ATP8A2: variants seen among roughly 807,000 people sequenced by gnomAD.
The protein encoded by ATP8A2 is ATPase phospholipid transporting 8A2.
Under a neutral mutation model 165.6 loss-of-function variants are expected in ATP8A2, and 100 were observed. The ratio of observed to expected loss-of-function variants is 0.60; its 90% confidence interval spans 0.51 to 0.71. The LOEUF (loss-of-function observed/expected upper bound fraction) is 0.71. Among genes scored for constraint, ATP8A2 ranks in the 30% least tolerant of loss-of-function variants. ATP8A2 has a pLI of 0.00. For synonymous variants in ATP8A2, 543 were observed against 548.8 expected, an observed-to-expected ratio of 0.99 and a Z score of 0.15; for missense variants, 1,227 against 1,479.5, an observed-to-expected ratio of 0.83 and a Z score of 2.80.
chr13:25,916,260 T>C (rs1212660555), intron 33 of ATP8A2, among the ~76,000 whole-genome samples: 2 of 152,216 alleles, frequency 1.3e-5, no homozygotes, highest in Non-Finnish European at 2.9e-5. Context: ...GGCCAGGCCC[T>C]CTGCGCCACT....
chr13:25,649,052 T>C lies in ATP8A2; in HGVS notation c.2212-50121T>C, dbSNP rs769050079. The C allele has an allele frequency of 2.0e-5, 10 of 504,344 alleles. 1 individual carries two copies. Among genetic ancestry groups the C allele is most frequent in the South Asian group, 1.4e-4 (10 of 69,134 alleles). 31.2% of individuals were successfully genotyped at this position (504,344 alleles called of 1,614,324 possible). A position where few individuals can be genotyped will look rare whatever the true frequency, so the allele number is the denominator to read the frequency against. ...GAGCTTTGTCAGTTTCTTTTGGAGA[T>C]GTCATGATTTCTTCCTGAGTCCATG... On this transcript the variant is annotated intron_variant, in intron 24 of 36. Transcript: ENST00000381655.
chr13:25,405,552 T>C (rs1299643198), intron 1 of ATP8A2, among the ~76,000 whole-genome samples: 1 of 152,096 alleles, frequency 6.6e-6, no homozygotes, highest in Non-Finnish European at 1.5e-5. Flanking sequence ...CAGCGTGCTC[T>C]CTTGAGACCC....
At chr13:25,552,546 G>A (rs1395876191) in intron 11 of ATP8A2, among the ~76,000 whole-genome samples, 1 of 152,048 alleles carries the variant, frequency 6.6e-6, no homozygotes, top group African/African-American at 2.4e-5. Flanking sequence ...ATCATTACTA[G>A]TGTCCTTTGT....
Position 25,724,212 on chromosome 13 carries a change from G to A in ATP8A2, c.2384+24867G>A, listed in dbSNP as rs574710325. Among the ~76,000 whole-genome samples, 12 of 152,320 alleles carry A rather than the reference G, an allele frequency of 7.9e-5. No individual in the cohort carries two copies. In the South Asian group the frequency reaches 8.3e-4, roughly 11 times the overall value. Reference sequence around the variant, plus strand: ...TGTCATGCAGCAATAGAAAACTAATGCATTCATGTGGCATCTGGGAGGGCT... The same window carrying A: ...TGTCATGCAGCAATAGAAAACTAATACATTCATGTGGCATCTGGGAGGGCT... On this transcript the variant is annotated intron_variant, in intron 25 of 36. Coordinates refer to ENST00000381655, the MANE Select transcript of ATP8A2 (RefSeq NM_016529.6).
chr13:25,611,175 G>A lies in ATP8A2; in HGVS notation c.2211+21476G>A, dbSNP rs980472757. On this transcript the variant is annotated intron_variant, in intron 24 of 36. Coordinates refer to ENST00000381655, the MANE Select transcript of ATP8A2 (RefSeq NM_016529.6). Reference sequence around the variant, plus strand: ...CTGATTGCTCTGGCTAGGACTTCCAGTACTATGTTGAATAGAAGTGGTGAA... The same window carrying A: ...CTGATTGCTCTGGCTAGGACTTCCAATACTATGTTGAATAGAAGTGGTGAA... 2.6e-5 allele frequency among the ~76,000 whole-genome samples: 4 copies of A among 152,080 alleles called. 1 individual carries two copies. Among genetic ancestry groups the A allele is most frequent in the Admixed American group, 1.3e-4 (2 of 15,264 alleles).
chr13:25,482,307 C>T (rs2036228895), intron 2 of ATP8A2, among the ~76,000 whole-genome samples: 1 of 152,104 alleles, frequency 6.6e-6, no homozygotes, highest in Non-Finnish European at 1.5e-5. Context: ...ATTCATAATC[C>T]TACATTTGGT....
At chr13:25,379,713 C>T (rs1002242158) in intron 1 of ATP8A2, among the ~76,000 whole-genome samples, 15 of 152,176 alleles carry the variant, frequency 9.9e-5, no homozygotes, top group African/African-American at 3.1e-4. Context: ...TTCTGGGACT[C>T]GGCGGAGCGG....
chr13:25,847,221 A>G (rs1249975314), intron 30 of ATP8A2, among the ~76,000 whole-genome samples: 1 of 152,230 alleles, frequency 6.6e-6, no homozygotes, highest in Non-Finnish European at 1.5e-5. Flanking sequence ...TCAGATTTGT[A>G]CAAATGAAAC....
At chr13:25,944,043 G>A (rs971153132) in intron 33 of ATP8A2, among the ~76,000 whole-genome samples, 4 of 152,202 alleles carry the variant, frequency 2.6e-5, no homozygotes, top group Non-Finnish European at 5.9e-5. Flanking sequence ...ATTAATTTAT[G>A]TATGGTAAAG....
chr13:25,474,859 C>G (rs1349349681), intron 2 of ATP8A2, among the ~76,000 whole-genome samples: 1 of 151,950 alleles, frequency 6.6e-6, no homozygotes, highest in Non-Finnish European at 1.5e-5. Flanking sequence ...GAGACAGAAT[C>G]TCATTCTGTC....
intron 2 of ATP8A2, 22 bp from the exon 3 acceptor site, chr13:25,529,976 AT>A: frequency 7.3e-7 from 1 of 1,369,810 alleles, no homozygotes; most frequent in Non-Finnish European, 1.0e-6. Flanking sequence ...AACTGATAGT[AT>A]TATTTTTCTT....
chr13:25,783,338 G>C (rs1352899134), intron 27 of ATP8A2, among the ~76,000 whole-genome samples: 1 of 152,212 alleles, frequency 6.6e-6, no homozygotes, highest in East Asian at 1.9e-4. Flanking sequence ...ACTACTTAGA[G>C]AAGTTTCCCA....
At chr13:25,841,746 G>A (rs538823683) in intron 30 of ATP8A2, among the ~76,000 whole-genome samples, 1 of 152,306 alleles carries the variant, frequency 6.6e-6, no homozygotes, top group South Asian at 2.1e-4. Flanking sequence ...ATTAGATTTT[G>A]TCTTAGTCCA....
chr13:25,892,484 C>CTCTCTCTCTCTCTCTCTCTCTCTCTCTT (rs1566243201), intron 33 of ATP8A2, among the ~76,000 whole-genome samples: 1 of 150,862 alleles, frequency 6.6e-6, no homozygotes, highest in African/African-American at 2.5e-5. Flanking sequence ...CTCTGTCTCT[C>CTCTCTCTCTCTCTCTCTCTCTCTCTCTT]TCTCTCTCTC....
intron 25 of ATP8A2, among the ~76,000 whole-genome samples, chr13:25,725,785 A>G (rs376175987): frequency 2.0e-5 from 3 of 152,164 alleles, no homozygotes; most frequent in African/African-American, 4.8e-5. Flanking sequence ...TTATAGATCA[A>G]TCTTGTAGCT....
chr13:25,448,824 A>AT (rs2035137268), intron 1 of ATP8A2, among the ~76,000 whole-genome samples: 3 of 151,790 alleles, frequency 2.0e-5, no homozygotes, highest in Admixed American at 6.6e-5. Flanking sequence ...TAATTTTTGT[A>AT]TTTTTTTAAT....
chr13:25,851,619 A>G (rs1358623515), intron 30 of ATP8A2, among the ~76,000 whole-genome samples: 1 of 151,608 alleles, frequency 6.6e-6, no homozygotes, highest in Admixed American at 6.6e-5. Context: ...GTCAAACTTT[A>G]GAAGCTACAT....
chr13:25,380,445 C>T (rs1421340654), intron 1 of ATP8A2, among the ~76,000 whole-genome samples: 1 of 152,052 alleles, frequency 6.6e-6, no homozygotes, highest in Non-Finnish European at 1.5e-5. Flanking sequence ...TTGAGCTGGG[C>T]TGTAACGGCA....
At chr13:25,540,083 T>C (rs1004752894) in intron 7 of ATP8A2, among the ~76,000 whole-genome samples, 38 of 152,208 alleles carry the variant, frequency 2.5e-4, no homozygotes, top group African/African-American at 8.9e-4. Flanking sequence ...TCAGCAGTCA[T>C]TATGTGGGGC....
Sources: allele counts gnomAD v4.1 joint callset (sites outside exome capture counted in the v4.1 genomes callset), GRCh38; gene constraint gnomAD v4.1.1; transcripts MANE v1.5; gene names NCBI Gene and HGNC (gene_info 2026-07-23, HGNC 2026-07-21).